UHRF2: variants seen among roughly 807,000 people sequenced by gnomAD.
UHRF2 encodes ubiquitin like with PHD and ring finger domains 2, also known as E3 ubiquitin-protein ligase UHRF2.
Under a neutral mutation model 96.8 loss-of-function variants are expected in UHRF2, and 23 were observed. That is an observed-to-expected ratio of 0.24 (90% CI 0.17 to 0.34). UHRF2 has a LOEUF of 0.34. Among genes scored for constraint, UHRF2 ranks in the 10% least tolerant of loss-of-function variants. The probability of loss-of-function intolerance (pLI) is 1.00; values close to 1 mark genes in which losing one functional copy is unlikely to be tolerated. For missense variants in UHRF2, 685 were observed against 981.5 expected (o/e 0.70, Z 4.04); for synonymous variants, 385 against 332.6 (o/e 1.16, Z -1.72).
rs1209044163 is a variant in UHRF2, at chr9:6,413,370, C to T, written c.-121C>T. Reference sequence around the variant, plus strand: ...CCCGGCGTCCGGTCGGTCCGGTGGGCGCGCTCGCCCGCCTGCCGCTGAGGG... The same window carrying T: ...CCCGGCGTCCGGTCGGTCCGGTGGGTGCGCTCGCCCGCCTGCCGCTGAGGG... On this transcript the variant is annotated 5_prime_UTR_variant, in exon 1 of 16. Coordinates refer to ENST00000276893, the MANE Select transcript of UHRF2 (RefSeq NM_152896.3). 3.9e-6 allele frequency: 4 copies of T among 1,038,696 alleles called. No individual in the cohort carries two copies. In the East Asian group the frequency reaches 1.3e-4, roughly 34 times the overall value. The allele number at this position is 1,038,696 out of a possible 1,614,324, so 64.3% of individuals were successfully genotyped here. A position where few individuals can be genotyped will look rare whatever the true frequency, so the allele number is the denominator to read the frequency against.
chr9:6,430,064 G>A (rs1820481376), intron 2 of UHRF2, among the ~76,000 whole-genome samples: 1 of 152,198 alleles, frequency 6.6e-6, no homozygotes, highest in Non-Finnish European at 1.5e-5. Context: ...GCCCTGAAGT[G>A]CAATGGCACA....
At position 6,487,182 on chromosome 9, in the gene UHRF2, C is replaced by CTTTTTTTTTTTT. The variant is rs1171978950; in HGVS notation, c.1497+271_1497+282dup. 6.0e-4 allele frequency among the ~76,000 whole-genome samples: 42 copies of CTTTTTTTTTTTT among 69,592 alleles called. 1 individual carries two copies. Among genetic ancestry groups the CTTTTTTTTTTTT allele is most frequent in the African/African-American group, 1.6e-3 (25 of 15,546 alleles). 45.7% of individuals were successfully genotyped at this position (69,592 alleles called of 152,430 possible). A position where few individuals can be genotyped will look rare whatever the true frequency, so the allele number is the denominator to read the frequency against. On this transcript the variant is annotated intron_variant, in intron 9 of 15. Transcript: ENST00000276893. ...TCTATAGAGCTTTTATTTTTTTTTC[C>CTTTTTTTTTTTT]TTTTTTTTTTTTTTTTTTTTTTTTT...
chr9:6,421,031 C>A lies in UHRF2; in HGVS notation c.273C>A (p.Pro91=). Residue 91 remains proline (P), a synonymous_variant, in exon 2 of 16, where the codon CCC becomes CCA. Transcript: ENST00000276893. ...PGTSTQIEAK[P]CSNSPPKVKK... ...CATCTACACAGATTGAGGCTAAACCCTGTTCTAATAGTCCACCTAAAGTAA... is the reference window on the plus strand; with the variant it reads ...CATCTACACAGATTGAGGCTAAACCATGTTCTAATAGTCCACCTAAAGTAA... The A allele has an allele frequency of 1.2e-6, 2 of 1,614,156 alleles. No homozygotes were observed. The highest frequency in any genetic ancestry group is 1.7e-6 in the Non-Finnish European group (2 of 1,180,032).
intron 14 of UHRF2, 148 bp downstream of exon 14, chr9:6,500,857 C>G (rs912418634): frequency 4.2e-6 from 3 of 709,028 alleles, no homozygotes; most frequent in Non-Finnish European, 4.5e-6. Flanking sequence ...CAGAAATAAT[C>G]TGAGGCAACA....
intron 1 of UHRF2, among the ~76,000 whole-genome samples, chr9:6,419,105 A>C (rs895671681): frequency 1.3e-5 from 2 of 152,224 alleles, no homozygotes; most frequent in East Asian, 3.8e-4. Context: ...ACCTCTCTAA[A>C]GACCCTATCT....
At chr9:6,492,797 T>C (rs1824738333) in intron 9 of UHRF2, 1 of 151,754 alleles carries the variant, frequency 6.6e-6, no homozygotes, top group Non-Finnish European at 1.5e-5. Context: ...CATATAAATT[T>C]GTAGCTGCTA....
At chr9:6,459,844 G>A (rs894689270) in intron 3 of UHRF2, among the ~76,000 whole-genome samples, 1 of 152,186 alleles carries the variant, frequency 6.6e-6, no homozygotes, top group Non-Finnish European at 1.5e-5. Context: ...GTGGTGGCAC[G>A]TGTCTGTAGT....
At chr9:6,452,154 A>G (rs1821912276) in intron 3 of UHRF2, among the ~76,000 whole-genome samples, 1 of 152,094 alleles carries the variant, frequency 6.6e-6, no homozygotes, top group Admixed American at 6.6e-5. Context: ...TTATAGGAGC[A>G]CAATATTCTA....
chr9:6,428,551 T>C (rs1820388467), intron 2 of UHRF2, among the ~76,000 whole-genome samples: 1 of 115,856 alleles, frequency 8.6e-6, no homozygotes, highest in African/African-American at 3.7e-5. Context: ...TTTTTTTTTT[T>C]TTTTTTTTTT....
intron 9 of UHRF2, among the ~76,000 whole-genome samples, chr9:6,489,500 T>C (rs80188408): frequency 6.6e-6 from 1 of 152,368 alleles, no homozygotes; most frequent in African/African-American, 2.4e-5. Flanking sequence ...CAAACTGTTT[T>C]CTCCAGTGAC....
chr9:6,487,916 A>C (rs928147666), intron 9 of UHRF2, among the ~76,000 whole-genome samples: 3 of 152,052 alleles, frequency 2.0e-5, no homozygotes, highest in African/African-American at 7.2e-5. Context: ...TACTATTTTG[A>C]GATAGTTGTA....
intron 4 of UHRF2, among the ~76,000 whole-genome samples, chr9:6,474,124 A>T (rs957356903): frequency 6.6e-6 from 1 of 152,316 alleles, no homozygotes; most frequent in Admixed American, 6.5e-5. Flanking sequence ...GGACAAGGTG[A>T]GGGTTTCTGA....
At chr9:6,501,951 T>C (rs1388702477) in intron 14 of UHRF2, among the ~76,000 whole-genome samples, 1 of 152,188 alleles carries the variant, frequency 6.6e-6, no homozygotes, top group Non-Finnish European at 1.5e-5. Flanking sequence ...TTGTCTTCCC[T>C]ATGGGTAGTG....
At chr9:6,445,469 C>G (rs1345944140) in intron 3 of UHRF2, among the ~76,000 whole-genome samples, 1 of 152,128 alleles carries the variant, frequency 6.6e-6, no homozygotes, top group Non-Finnish European at 1.5e-5. Context: ...CCATGTTGGC[C>G]AGGCTGGTCT....
chr9:6,456,053 T>A (rs1004447604), intron 3 of UHRF2, among the ~76,000 whole-genome samples: 3 of 152,240 alleles, frequency 2.0e-5, no homozygotes, highest in Non-Finnish European at 4.4e-5. Flanking sequence ...CAGGTTAGGT[T>A]TGTAATACTT....
chr9:6,483,424 C>T (rs909558806), intron 8 of UHRF2, among the ~76,000 whole-genome samples: 5 of 151,598 alleles, frequency 3.3e-5, no homozygotes, highest in African/African-American at 4.9e-5. Flanking sequence ...CTCTAGATTA[C>T]CTATAATACC....
intron 4 of UHRF2, among the ~76,000 whole-genome samples, chr9:6,470,551 T>C (rs1823180567): frequency 6.6e-6 from 1 of 152,074 alleles, no homozygotes; most frequent in African/African-American, 2.4e-5. Flanking sequence ...CATCGAAATA[T>C]GGGACAGAAT....
At chr9:6,426,304 C>T (rs1187247065) in intron 2 of UHRF2, among the ~76,000 whole-genome samples, 1 of 152,194 alleles carries the variant, frequency 6.6e-6, no homozygotes, top group Non-Finnish European at 1.5e-5. Context: ...ATGTTAAAGA[C>T]TTGAGCTTTG....
At position 6,413,469 on chromosome 9, in the gene UHRF2, C is replaced by T. The variant is rs755032882; in HGVS notation, c.-22C>T. On this transcript the variant is annotated 5_prime_UTR_variant, in exon 1 of 16. Transcript: ENST00000276893. The stretch of plus-strand genomic sequence containing the variant: ...GAGCTCAGGGGGAGACAAAGGGGAC[C>T]GGTTCCTCTCTAGGCGCCAAGATGT... The T allele has an allele frequency of 7.2e-6, 11 of 1,517,480 alleles. No individual in the cohort carries two copies. The East Asian group carries it at 1.1e-4, about 15-fold the overall frequency. The allele number at this position is 1,517,480 out of a possible 1,614,324, so 94.0% of individuals were successfully genotyped here. A position where few individuals can be genotyped will look rare whatever the true frequency, so the allele number is the denominator to read the frequency against.
Sources: allele counts gnomAD v4.1 joint callset (sites outside exome capture counted in the v4.1 genomes callset), GRCh38; gene constraint gnomAD v4.1.1; transcripts MANE v1.5; gene names NCBI Gene and HGNC (gene_info 2026-07-23, HGNC 2026-07-21).